VDR: variants seen among roughly 807,000 people sequenced by gnomAD.
VDR encodes vitamin D receptor, also known as vitamin D3 receptor.
A neutral mutation model predicts 39.7 loss-of-function variants in VDR; 19 were observed. That is an observed-to-expected ratio of 0.48 (90% CI 0.33 to 0.70). The LOEUF (loss-of-function observed/expected upper bound fraction) is 0.70, where lower values mean the gene tolerates loss of function less well. Ranked by LOEUF, VDR falls within the 30% of genes least tolerant of loss-of-function variation. VDR has a pLI of 0.02. For missense variants in VDR, 442 were observed against 570.5 expected, an observed-to-expected ratio of 0.77 and a Z score of 2.29; for synonymous variants, 242 against 215.8, an observed-to-expected ratio of 1.12 and a Z score of -1.07.
At chr12:47,868,186 T>C (rs1945776205) in intron 3 of VDR, among the ~76,000 whole-genome samples, 2 of 152,232 alleles carry the variant, frequency 1.3e-5, no homozygotes, top group African/African-American at 2.4e-5. Flanking sequence ...CTTAAAGTGC[T>C]CAGTGAAGTT....
At chr12:47,890,798 A>C (rs1216215840) in intron 1 of VDR, among the ~76,000 whole-genome samples, 2 of 152,194 alleles carry the variant, frequency 1.3e-5, no homozygotes, top group Admixed American at 6.5e-5. Context: ...AAATGGCTAA[A>C]ATGAAAATGG....
At chr12:47,877,012 G>A (rs1310012548) in intron 3 of VDR, among the ~76,000 whole-genome samples, 1 of 152,140 alleles carries the variant, frequency 6.6e-6, no homozygotes, top group Non-Finnish European at 1.5e-5. Context: ...TATGACCTTC[G>A]GTGAGAATCT....
chr12:47,879,221 C>T, intron 2 of VDR, 106 bp from the exon 3 acceptor site: 3 of 1,386,528 alleles, frequency 2.2e-6, no homozygotes, highest in South Asian at 2.8e-5. Flanking sequence ...GCCCCCACCC[C>T]CCACCACCAG....
chr12:47,875,217 T>C (rs1220178678), intron 3 of VDR, among the ~76,000 whole-genome samples: 1 of 152,210 alleles, frequency 6.6e-6, no homozygotes, highest in African/African-American at 2.4e-5. Flanking sequence ...AACAACTAGC[T>C]CCTAGAGCAG....
At chr12:47,878,898 T>A in intron 3 of VDR, 70 bp downstream of exon 3, 2 of 1,611,930 alleles carry the variant, frequency 1.2e-6, no homozygotes, top group Non-Finnish European at 1.7e-6. Flanking sequence ...ATGCAAGGGC[T>A]CCCTTCATGG....
At position 47,841,562 on chromosome 12, in the gene VDR, C is replaced by G. The variant is rs181873553; in HGVS notation, c.*3184G>C. Reference sequence around the variant, plus strand: ...TTGGTTTGCATAAAGCATTTATTTACAGCAGTACTTGCAACAAAGTAAGTG... The same window carrying G: ...TTGGTTTGCATAAAGCATTTATTTAGAGCAGTACTTGCAACAAAGTAAGTG... On this transcript the variant is annotated 3_prime_UTR_variant, in exon 10 of 10. Coordinates refer to ENST00000549336, the MANE Select transcript of VDR (RefSeq NM_000376.3). 1 of 152,484 alleles carries G rather than the reference C, an allele frequency of 6.6e-6. No individual in the cohort carries two copies. The highest frequency in any genetic ancestry group is 1.9e-4 in the East Asian group (1 of 5,332). The allele number at this position is 152,484 out of a possible 1,614,324, so 9.4% of individuals were successfully genotyped here.
chr12:47,869,429 G>C (rs979208461), intron 3 of VDR, among the ~76,000 whole-genome samples: 2 of 151,638 alleles, frequency 1.3e-5, no homozygotes, highest in Non-Finnish European at 2.9e-5. Context: ...CCAGCTACTC[G>C]GGAGGCTGAG....
intron 3 of VDR, among the ~76,000 whole-genome samples, chr12:47,868,379 T>C (rs1344271622): frequency 6.6e-6 from 1 of 152,218 alleles, no homozygotes; most frequent in African/African-American, 2.4e-5. Flanking sequence ...CAGGGGCTCC[T>C]TAGCTCCAAG....
intron 9 of VDR, 138 bp downstream of exon 9, chr12:47,846,197 G>C (rs1945275855): frequency 2.7e-6 from 2 of 737,678 alleles, no homozygotes; most frequent in East Asian, 2.7e-5. Flanking sequence ...CTGCAAACCA[G>C]CAAAGTAGGT....
At chr12:47,894,868 C>T (rs1207580415) in intron 1 of VDR, among the ~76,000 whole-genome samples, 8 of 152,172 alleles carry the variant, frequency 5.3e-5, no homozygotes, top group Non-Finnish European at 1.5e-5. Context: ...AGACTAACTG[C>T]CTGCCACACC....
chr12:47,888,236 C>G (rs12298585), intron 1 of VDR, among the ~76,000 whole-genome samples: 30,581 of 152,134 alleles, frequency 0.2, 3,238 homozygotes, highest in Middle Eastern at 0.26. Context: ...CCCCATGATT[C>G]AATTACCTCC....
chr12:47,900,804 G>A (rs1946543955), intron 1 of VDR, among the ~76,000 whole-genome samples: 1 of 152,134 alleles, frequency 6.6e-6, no homozygotes, highest in Admixed American at 6.5e-5. Flanking sequence ...AGCTTCTCAG[G>A]AACCAACTGC....
chr12:47,859,844 T>G (rs546754256), intron 4 of VDR, among the ~76,000 whole-genome samples: 1 of 73,610 alleles, frequency 1.4e-5, no homozygotes, highest in Non-Finnish European at 2.6e-5. Flanking sequence ...TCCTTTCCCT[T>G]CCTTCCTTCC....
At chr12:47,882,567 C>T (rs1946172315) in intron 2 of VDR, 127 bp downstream of exon 2, 1 of 785,978 alleles carries the variant, frequency 1.3e-6, no homozygotes, top group Non-Finnish European at 2.0e-6. Context: ...GCCCGGGACC[C>T]ACCTTGCAAA....
chr12:47,859,902 CTTCCTTCCTTCCTTCTTTCTTT>C (rs1387422926), intron 4 of VDR, among the ~76,000 whole-genome samples: 1,898 of 43,794 alleles, frequency 0.043, 94 homozygotes, highest in South Asian at 0.061. Flanking sequence ...TCCTTCCTTC[CTTCCTTCCTTCCTTCTTTCTTT>C]TTCTTTCTTT....
chr12:47,853,411 C>G (rs1035991105), intron 7 of VDR, among the ~76,000 whole-genome samples: 8 of 148,352 alleles, frequency 5.4e-5, no homozygotes, highest in East Asian at 4.0e-4. Context: ...CCACTGCACT[C>G]CAGCCTAGGC....
intron 3 of VDR, among the ~76,000 whole-genome samples, chr12:47,872,939 CA>C (rs35708042): frequency 0.018 from 2,697 of 152,228 alleles, 90 homozygotes; most frequent in African/African-American, 0.061. Flanking sequence ...ACAAGTGACA[CA>C]AAAAGGCACG....
intron 7 of VDR, among the ~76,000 whole-genome samples, chr12:47,854,940 C>T (rs11574096): frequency 0.023 from 3,515 of 152,354 alleles, 143 homozygotes; most frequent in African/African-American, 0.08. Flanking sequence ...TGCCCGTAAT[C>T]CCAGCACTTT....
At chr12:47,868,328 C>A (rs1420556507) in intron 3 of VDR, among the ~76,000 whole-genome samples, 1 of 152,218 alleles carries the variant, frequency 6.6e-6, no homozygotes, top group Non-Finnish European at 1.5e-5. Flanking sequence ...GGGCCTACTG[C>A]AGAGCCAGGG....
Sources: allele counts gnomAD v4.1 joint callset (sites outside exome capture counted in the v4.1 genomes callset), GRCh38; gene constraint gnomAD v4.1.1; transcripts MANE v1.5; gene names NCBI Gene and HGNC (gene_info 2026-07-23, HGNC 2026-07-21).